ASIC2: variants seen among roughly 807,000 people sequenced by gnomAD.
ASIC2 encodes the protein acid sensing ion channel subunit 2, also known as acid-sensing ion channel 2.
In ASIC2, 25 loss-of-function variants were observed where a neutral mutation model predicts 57.3. The ratio of observed to expected loss-of-function variants is 0.44; its 90% CI spans 0.32 to 0.61. The LOEUF (loss-of-function observed/expected upper bound fraction) is 0.61, where lower values mean the gene tolerates loss of function less well. Ranked by LOEUF, ASIC2 falls within the 20% of genes least tolerant of loss-of-function variation. ASIC2 has a pLI of 0.06. For missense variants in ASIC2, 641 were observed against 738.1 expected (o/e 0.87, Z 1.52); for synonymous variants, 319 against 307.5 (o/e 1.04, Z -0.39).
chr17:33,737,435 A>G (rs1909950725), intron 1 of ASIC2, among the ~76,000 whole-genome samples: 2 of 152,360 alleles, frequency 1.3e-5, no homozygotes, highest in Admixed American at 1.3e-4. Flanking sequence ...CCTGAATGGG[A>G]TATCTTGGGA....
chr17:34,020,607 T>G (rs1007020823), intron 1 of ASIC2, among the ~76,000 whole-genome samples: 1 of 152,142 alleles, frequency 6.6e-6, no homozygotes, highest in African/African-American at 2.4e-5. Flanking sequence ...GGGAGTAATA[T>G]AGAAAGCATG....
chr17:33,363,064 A>G (rs939855703), intron 1 of ASIC2, among the ~76,000 whole-genome samples: 22 of 152,212 alleles, frequency 1.4e-4, no homozygotes, highest in Non-Finnish European at 2.6e-4. Flanking sequence ...TGCCTAATAT[A>G]TGGGCCCCAA....
intron 1 of ASIC2, among the ~76,000 whole-genome samples, chr17:33,931,983 C>T (rs549679279): frequency 6.6e-6 from 1 of 152,306 alleles, no homozygotes; most frequent in South Asian, 2.1e-4. Context: ...CTGGGTCTGT[C>T]GGGCTCAATT....
chr17:33,280,416 C>T (rs1379278978), intron 1 of ASIC2, among the ~76,000 whole-genome samples: 1 of 152,158 alleles, frequency 6.6e-6, no homozygotes, highest in Non-Finnish European at 1.5e-5. Context: ...TAAATCAAGC[C>T]TGCCTGTATA....
At chr17:33,114,800 A>T (rs549206497) in intron 1 of ASIC2, among the ~76,000 whole-genome samples, 2 of 152,348 alleles carry the variant, frequency 1.3e-5, no homozygotes, top group Admixed American at 6.5e-5. Context: ...AGAGGAAATG[A>T]CTTGCTAAAG....
intron 1 of ASIC2, among the ~76,000 whole-genome samples, chr17:33,178,268 C>T (rs1015298706): frequency 2.6e-5 from 4 of 152,058 alleles, no homozygotes; most frequent in African/African-American, 9.7e-5. Flanking sequence ...ATATATATAA[C>T]TTGTATCTGT....
rs754570238 is a variant in ASIC2, at chr17:33,768,259, G to A, written c.555+387719C>T. On this transcript the variant is annotated intron_variant, in intron 1 of 9. Coordinates refer to the ASIC2 transcript ENST00000359872. The stretch of plus-strand genomic sequence containing the variant: ...CTGACCTCGTGATTCGCCTGCCTCA[G>A]CCTCCCAAAGTGCTGGGATCACAGA... Among the ~76,000 whole-genome samples the A allele has an allele frequency of 3.5e-4, 54 of 152,212 alleles. 1 individual carries two copies. Among genetic ancestry groups the A allele is most frequent in the Admixed American group, 2.9e-3 (45 of 15,296 alleles).
chr17:33,460,270 A>T (rs1467782212), intron 1 of ASIC2, among the ~76,000 whole-genome samples: 1 of 152,148 alleles, frequency 6.6e-6, no homozygotes, highest in Non-Finnish European at 1.5e-5. Context: ...ATGTGACACA[A>T]TTTGAGCAAA....
intron 1 of ASIC2, among the ~76,000 whole-genome samples, chr17:33,498,336 A>G (rs1340072476): frequency 6.6e-6 from 1 of 152,232 alleles, no homozygotes; most frequent in Non-Finnish European, 1.5e-5. Flanking sequence ...CAAAACATCA[A>G]AACAGTTCAG....
intron 5 of ASIC2, among the ~76,000 whole-genome samples, chr17:33,025,505 C>G (rs185748541): frequency 3.0e-4 from 45 of 152,260 alleles, no homozygotes; most frequent in Non-Finnish European, 6.0e-4. Flanking sequence ...TCACCTTGGC[C>G]TCCCCATGTA....
intron 3 of ASIC2, among the ~76,000 whole-genome samples, chr17:33,031,803 T>A (rs1443429614): frequency 6.6e-6 from 1 of 152,218 alleles, no homozygotes; most frequent in Non-Finnish European, 1.5e-5. Flanking sequence ...ATATTTAGGA[T>A]TGCTACATCT....
chr17:33,716,640 C>T lies in ASIC2; in HGVS notation c.555+439338G>A, dbSNP rs531707117. ...CTCCCATGACTGCATCTCCTGCCCT[C>T]GACACACACACTCAGAATTGTTCTC... On this transcript the variant is annotated intron_variant, in intron 1 of 9. Transcript: ENST00000359872. 3.9e-5 allele frequency among the ~76,000 whole-genome samples: 6 copies of T among 152,246 alleles called. No homozygotes were observed. In the East Asian group the frequency reaches 9.7e-4, roughly 25 times the overall value.
chr17:33,199,829 C>G (rs16968145), intron 1 of ASIC2, among the ~76,000 whole-genome samples: 29,930 of 151,892 alleles, frequency 0.2, 3,623 homozygotes, highest in South Asian at 0.36. Flanking sequence ...GTTAATATAG[C>G]GAACTTGATC....
intron 1 of ASIC2, among the ~76,000 whole-genome samples, chr17:33,411,196 A>T (rs1910647180): frequency 6.6e-6 from 1 of 152,164 alleles, no homozygotes; most frequent in Non-Finnish European, 1.5e-5. Flanking sequence ...TGTCTGAGCT[A>T]GTGTGTGTGG....
At chr17:33,443,269 A>G (rs1397870814) in intron 1 of ASIC2, among the ~76,000 whole-genome samples, 1 of 152,184 alleles carries the variant, frequency 6.6e-6, no homozygotes, top group African/African-American at 2.4e-5. Flanking sequence ...GTCTTATAAT[A>G]GGAGTTGGGA....
intron 1 of ASIC2, among the ~76,000 whole-genome samples, chr17:34,121,194 G>A (rs898274191): frequency 6.6e-6 from 1 of 152,184 alleles, no homozygotes; most frequent in African/African-American, 2.4e-5. Flanking sequence ...GGATCCTCCA[G>A]CCTTGAAGGA....
intron 1 of ASIC2, among the ~76,000 whole-genome samples, chr17:33,803,017 A>T (rs534135937): frequency 6.6e-5 from 10 of 152,332 alleles, no homozygotes; most frequent in Non-Finnish European, 1.3e-4. Flanking sequence ...GATAGCTGGT[A>T]AACCTCTCTC....
intron 1 of ASIC2, among the ~76,000 whole-genome samples, chr17:33,431,141 G>A (rs1161052853): frequency 6.6e-6 from 1 of 152,180 alleles, no homozygotes; most frequent in Non-Finnish European, 1.5e-5. Flanking sequence ...AAACTGGGAA[G>A]GGGTCTGCCC....
At chr17:33,582,866 C>T (rs2142000658) in intron 1 of ASIC2, among the ~76,000 whole-genome samples, 1 of 152,252 alleles carries the variant, frequency 6.6e-6, no homozygotes. Flanking sequence ...AAACCTCTGT[C>T]ATGTTAAAAA....
Sources: gnomAD v4.1 joint callset for allele counts (sites outside exome capture counted in the v4.1 genomes callset) on GRCh38, gnomAD v4.1.1 for gene constraint, MANE v1.5 for transcripts, NCBI Gene and HGNC (gene_info 2026-07-23, HGNC 2026-07-21) for gene names.